JAK1: variants seen among roughly 807,000 people sequenced by gnomAD.
JAK1 encodes the protein tyrosine-protein kinase JAK1.
Under a neutral mutation model 136.6 loss-of-function variants are expected in JAK1, and 16 were observed. The observed-to-expected ratio is 0.12, with a 90% confidence interval of 0.08 to 0.18. The LOEUF (loss-of-function observed/expected upper bound fraction) is 0.18. Among genes scored for constraint, JAK1 ranks in the 10% least tolerant of loss-of-function variants. JAK1 has a pLI of 1.00. For synonymous variants in JAK1, 492 were observed against 519.5 expected (o/e 0.95, Z 0.72); for missense variants, 859 against 1,450.1 (o/e 0.59, Z 6.62).
At chr1:65,029,536 C>T (rs1215967867) in intron 2 of JAK1, among the ~76,000 whole-genome samples, 2 of 152,180 alleles carry the variant, frequency 1.3e-5, no homozygotes, top group Non-Finnish European at 2.9e-5. Flanking sequence ...CAGCACTACT[C>T]GCCATAGCAA....
chr1:65,013,095 CAAAAAAAA>C (rs34009555), intron 2 of JAK1, among the ~76,000 whole-genome samples: 1 of 44,932 alleles, frequency 2.2e-5, no homozygotes, highest in African/African-American at 8.6e-5. Context: ...CACTCCGTCT[CAAAAAAAA>C]AAAAAAAAAA....
At chr1:65,053,383 G>A (rs542620787) in intron 1 of JAK1, among the ~76,000 whole-genome samples, 75 of 152,270 alleles carry the variant, frequency 4.9e-4, no homozygotes, top group Non-Finnish European at 9.6e-4. Context: ...ACTGGTAATG[G>A]TGAAGACAAA....
intron 1 of JAK1, among the ~76,000 whole-genome samples, chr1:65,053,030 C>CAAAA (rs780968006): frequency 0.037 from 1,602 of 43,548 alleles, 74 homozygotes; most frequent in Admixed American, 0.059. Flanking sequence ...ACTCTTGTCT[C>CAAAA]AAAAAAAAAA....
intron 2 of JAK1, among the ~76,000 whole-genome samples, chr1:65,030,595 C>T (rs988566140): frequency 9.2e-5 from 14 of 151,400 alleles, no homozygotes; most frequent in African/African-American, 2.9e-4. Context: ...TGCAGTGGTG[C>T]GATCTCTGCT....
At chr1:64,911,084 T>TG (rs1645277281) in intron 1 of JAK1, among the ~76,000 whole-genome samples, 1 of 37,484 alleles carries the variant, frequency 2.7e-5, no homozygotes, top group African/African-American at 5.7e-5. Flanking sequence ...TATTCAGGAG[T>TG]GAAAAAAAAA....
rs2100962295 is a variant in JAK1 at position 64,839,746 on chromosome 1, T to C, written c.2699A>G (p.Asn900Ser). The C allele has an allele frequency of 1.2e-6, 2 of 1,614,212 alleles. No individual in the cohort carries two copies. Among genetic ancestry groups the C allele is most frequent in the Non-Finnish European group, 8.5e-7 (1 of 1,180,020 alleles). ...ELCRYDPEGD[N>S]TGEQVAVKSL... Reference sequence around the variant, plus strand: ...TTTAACAGCCACCTGCTCCCCTGTATTGTCCCCTTCGGGGTCATACCTGCA... The same window carrying C: ...TTTAACAGCCACCTGCTCCCCTGTACTGTCCCCTTCGGGGTCATACCTGCA... The change falls in exon 20 of 25, where the codon AAT (asparagine) becomes AGT (serine). Residue 900 changes from asparagine to serine, a missense_variant. By Grantham distance (46) the Asn-to-Ser change is conservative. Around this residue, in one of 4 missense-constraint regions of JAK1, gnomAD observed 409 missense variants for 753.8 expected, o/e 0.54. Transcript: ENST00000342505.
At chr1:64,838,732 G>A in intron 20 of JAK1, 143 bp from the exon 21 acceptor site, 2 of 708,212 alleles carry the variant, frequency 2.8e-6, no homozygotes, top group East Asian at 5.4e-5. Flanking sequence ...GACCTCTTAT[G>A]CCTCAAGATC....
chr1:64,844,962 G>T lies in JAK1; in HGVS notation c.2116-73C>A, dbSNP rs756759027. The stretch of plus-strand genomic sequence containing the variant: ...TCTATTTCCAACCCTGGTCCCTCAG[G>T]TCATCTCTTCCTACCCCCAGCTACA... On this transcript the variant is annotated intron_variant, in intron 15 of 24. Transcript: ENST00000342505. The surrounding 1 kb of genome is among the most constrained non-coding windows in gnomAD (Gnocchi z 5.7). 1.7e-4 allele frequency: 273 copies of T among 1,594,726 alleles called. No homozygotes were observed. Among genetic ancestry groups the T allele is most frequent in the Non-Finnish European group, 2.3e-4 (270 of 1,166,188 alleles).
At chr1:64,836,384 T>C (rs973283894) in intron 22 of JAK1, among the ~76,000 whole-genome samples, 169 bp from the exon 23 acceptor site, 4 of 152,190 alleles carry the variant, frequency 2.6e-5, no homozygotes, top group African/African-American at 9.6e-5. Flanking sequence ...ATGGTGCACA[T>C]CTGACCTATA....
At chr1:64,920,634 A>G (rs1295552680) in intron 1 of JAK1, among the ~76,000 whole-genome samples, 1 of 152,330 alleles carries the variant, frequency 6.6e-6, no homozygotes, top group East Asian at 1.9e-4. Flanking sequence ...CATCCAGCAC[A>G]TATACACTGG....
chr1:64,892,516 C>T (rs1466717319), intron 1 of JAK1, among the ~76,000 whole-genome samples: 1 of 152,110 alleles, frequency 6.6e-6, no homozygotes, highest in East Asian at 1.9e-4. Flanking sequence ...TACTCCTGGG[C>T]TCAAGCAATC....
intron 2 of JAK1, among the ~76,000 whole-genome samples, chr1:65,027,050 G>A (rs998400806): frequency 6.6e-6 from 1 of 151,568 alleles, no homozygotes; most frequent in Non-Finnish European, 1.5e-5. Context: ...AACTTTTGGG[G>A]TTTTTTGTTT....
chr1:64,952,944 T>G (rs1646117742), intron 1 of JAK1, among the ~76,000 whole-genome samples: 1 of 152,176 alleles, frequency 6.6e-6, no homozygotes, highest in Non-Finnish European at 1.5e-5. Context: ...ACAAAGCGGT[T>G]GAATAACTTG....
intron 2 of JAK1, among the ~76,000 whole-genome samples, chr1:64,982,428 C>A (rs1372321598): frequency 6.6e-6 from 1 of 152,218 alleles, no homozygotes; most frequent in Non-Finnish European, 1.5e-5. Context: ...CATCCATATT[C>A]TTTGAAGCCC....
At chr1:64,913,731 G>GGGAC (rs1220263443) in intron 1 of JAK1, among the ~76,000 whole-genome samples, 1 of 147,446 alleles carries the variant, frequency 6.8e-6, no homozygotes, top group Non-Finnish European at 1.5e-5. Context: ...GAGGGAGGGA[G>GGGAC]GGAGGAATTG....
chr1:64,957,349 C>T (rs1646206438), intron 1 of JAK1, among the ~76,000 whole-genome samples: 1 of 152,192 alleles, frequency 6.6e-6, no homozygotes, highest in Admixed American at 6.5e-5. Context: ...TAAGGCCCTG[C>T]TTGACCAGGT....
chr1:65,017,352 C>T (rs746204401), intron 2 of JAK1, among the ~76,000 whole-genome samples: 3 of 152,068 alleles, frequency 2.0e-5, no homozygotes, highest in South Asian at 4.2e-4. Context: ...CCTGTAGTCC[C>T]AGCTACTCGG....
At chr1:64,851,039 C>T (rs1655559347) in intron 11 of JAK1, 129 bp from the exon 12 acceptor site, 1 of 673,250 alleles carries the variant, frequency 1.5e-6, no homozygotes, top group Non-Finnish European at 2.7e-6. Context: ...TCGACAAGTG[C>T]TTATTCAATA....
chr1:64,903,775 T>C (rs946680179), intron 1 of JAK1, among the ~76,000 whole-genome samples: 1 of 152,208 alleles, frequency 6.6e-6, no homozygotes, highest in Non-Finnish European at 1.5e-5. Context: ...GAAAGACACT[T>C]CTTGTCATGA....
Sources: gnomAD v4.1 joint callset for allele counts (sites outside exome capture counted in the v4.1 genomes callset) on GRCh38, gnomAD v4.1.1 for gene constraint, gnomAD v4.1.1 regional missense constraint, Gnocchi (gnomAD v3.1) non-coding constraint, MANE v1.5 for transcripts, NCBI Gene and HGNC (gene_info 2026-07-23, HGNC 2026-07-21) for gene names.